DISC1: variants seen among roughly 807,000 people sequenced by gnomAD.
The protein encoded by DISC1 is DISC1 scaffold protein.
Under a neutral mutation model 84.5 loss-of-function variants are expected in DISC1, and 57 were observed. The observed-to-expected ratio is 0.67, with a 90% CI of 0.55 to 0.84. The LOEUF (loss-of-function observed/expected upper bound fraction) is 0.84, where lower values mean the gene tolerates loss of function less well. Ranked by LOEUF, DISC1 falls within the 40% of genes least tolerant of loss-of-function variation. The pLI is 0.00. For missense variants in DISC1, 1,000 were observed against 1,057.8 expected (o/e 0.95, Z 0.76); for synonymous variants, 411 against 415.2 (o/e 0.99, Z 0.12).
chr1:231,770,977 G>A lies in DISC1; in HGVS notation c.1541G>A (p.Gly514Asp), dbSNP rs1321815975. 6.2e-7 allele frequency: 1 copy of A among 1,613,784 alleles called. No homozygotes were observed. Among genetic ancestry groups the A allele is most frequent in the South Asian group, 1.1e-5 (1 of 90,986 alleles). The stretch of plus-strand genomic sequence containing the variant: ...CCACTGGTGGGCCAGCTGTCCCTGG[G>A]TCAGCTGCAGGAGGTCAGCAAGGCC... ...LTPLVGQLSL[G>D]QLQEVSKALQ... Residue 514 changes from glycine (G) to aspartate (D), a missense_variant, in exon 6 of 13, where the codon GGT (glycine) becomes GAT (aspartate). Transcript: ENST00000439617.
chr1:231,873,176 T>C, intron 9 of DISC1, among the ~76,000 whole-genome samples: 1 of 152,236 alleles, frequency 6.6e-6, no homozygotes, highest in South Asian at 2.1e-4. Context: ...AAAGTGGCCA[T>C]GTTAAGGAGA....
chr1:231,743,693 A>C (rs181018934), intron 3 of DISC1, among the ~76,000 whole-genome samples: 1 of 152,378 alleles, frequency 6.6e-6, no homozygotes, highest in Admixed American at 6.5e-5. Context: ...TGTCTGAATT[A>C]GCTTCTGCAG....
At chr1:231,908,758 G>A (rs2088929987) in intron 9 of DISC1, among the ~76,000 whole-genome samples, 1 of 152,138 alleles carries the variant, frequency 6.6e-6, no homozygotes, top group South Asian at 2.1e-4. Flanking sequence ...AATTACCTTG[G>A]GCAGTATGGC....
chr1:231,713,749 G>GAT lies in DISC1; in HGVS notation c.1117+11735_1117+11736dup, dbSNP rs1055850789. On this transcript the variant is annotated intron_variant, in intron 3 of 12. Transcript: ENST00000439617. ...AGGAGATATATACATATATATAGGAGATATATATATAGGAGATATATATAT... is the reference window on the plus strand; with the variant it reads ...AGGAGATATATACATATATATAGGAGATATATATATATAGGAGATATATATAT... Among the ~76,000 whole-genome samples, 687 of 71,304 alleles carry GAT rather than the reference G, an allele frequency of 9.6e-3. 22 individuals carry two copies. The highest frequency in any genetic ancestry group is 0.088 in the Admixed American group (597 of 6,750). The allele number at this position is 71,304 out of a possible 152,430, so 46.8% of individuals were successfully genotyped here. A position where few individuals can be genotyped will look rare whatever the true frequency, so the allele number is the denominator to read the frequency against.
At chr1:231,887,486 G>T (rs199994286) in intron 9 of DISC1, among the ~76,000 whole-genome samples, 1 of 152,206 alleles carries the variant, frequency 6.6e-6, no homozygotes, top group Non-Finnish European at 1.5e-5. Context: ...CTCCATTCAT[G>T]TAAAGAGTTC....
intron 9 of DISC1, among the ~76,000 whole-genome samples, chr1:231,899,690 T>C (rs1291934389): frequency 6.6e-6 from 1 of 152,220 alleles, no homozygotes; most frequent in Non-Finnish European, 1.5e-5. Flanking sequence ...AGATAAAATG[T>C]CCCAATCATC....
At chr1:231,759,440 G>C (rs1436067352) in intron 4 of DISC1, among the ~76,000 whole-genome samples, 2 of 136,656 alleles carry the variant, frequency 1.5e-5, no homozygotes, top group Non-Finnish European at 3.0e-5. Flanking sequence ...TGTAATCCCA[G>C]CTCTTTGGGA....
chr1:231,685,967 G>A (rs538319282), intron 1 of DISC1, among the ~76,000 whole-genome samples: 1 of 152,290 alleles, frequency 6.6e-6, no homozygotes, highest in African/African-American at 2.4e-5. Flanking sequence ...AAAATCCAGT[G>A]GGGCAGTCAA....
intron 9 of DISC1, among the ~76,000 whole-genome samples, chr1:231,958,411 T>C (rs1050086542): frequency 2.6e-5 from 4 of 152,212 alleles, no homozygotes; most frequent in African/African-American, 7.2e-5. Flanking sequence ...CCTCTACCCC[T>C]AGTGTGGCTC....
chr1:231,971,343 G>C (rs1271986895), intron 10 of DISC1, among the ~76,000 whole-genome samples: 1 of 152,338 alleles, frequency 6.6e-6, no homozygotes, highest in African/African-American at 2.4e-5. Context: ...GTATGAACCT[G>C]TTAGCTTCAG....
At chr1:231,645,402 G>A (rs2060037465) in intron 1 of DISC1, among the ~76,000 whole-genome samples, 1 of 152,056 alleles carries the variant, frequency 6.6e-6, no homozygotes, top group Non-Finnish European at 1.5e-5. Flanking sequence ...TCATTGCACT[G>A]CCCTCTCCTC....
intron 1 of DISC1, among the ~76,000 whole-genome samples, chr1:231,655,325 A>G (rs1384695641): frequency 2.6e-5 from 4 of 152,104 alleles, no homozygotes; most frequent in African/African-American, 9.7e-5. Context: ...CTTAGCTCCC[A>G]TTTACCAATG....
At chr1:231,956,765 C>G (rs1047561186) in intron 9 of DISC1, among the ~76,000 whole-genome samples, 2 of 152,204 alleles carry the variant, frequency 1.3e-5, no homozygotes, top group African/African-American at 4.8e-5. Context: ...CTCAGAGGCA[C>G]TAACCACCTG....
chr1:231,776,514 G>T (rs903303178), intron 6 of DISC1, among the ~76,000 whole-genome samples: 1 of 152,194 alleles, frequency 6.6e-6, no homozygotes. Context: ...TCGCGGCAGG[G>T]CTGGGCTGGG....
chr1:231,819,750 A>G (rs567816903), intron 9 of DISC1, among the ~76,000 whole-genome samples: 1 of 149,616 alleles, frequency 6.7e-6, no homozygotes, highest in African/African-American at 2.5e-5. Flanking sequence ...GGTTTCTGCT[A>G]TTGATTTTTT....
chr1:231,864,628 A>G (rs1388236116), intron 9 of DISC1, among the ~76,000 whole-genome samples: 3 of 152,158 alleles, frequency 2.0e-5, no homozygotes, highest in Non-Finnish European at 4.4e-5. Context: ...GCACCACTGC[A>G]CTCCAGCCTG....
rs532283903 is a variant in DISC1, at chr1:231,805,415, G to A, written c.1792+5205G>A. On this transcript the variant is annotated intron_variant, in intron 8 of 12. Coordinates refer to ENST00000439617, the MANE Select transcript of DISC1 (RefSeq NM_018662.3). The stretch of plus-strand genomic sequence containing the variant: ...CAGCATCTGCTTGGCTTCTGGAGAG[G>A]CCTCAGGAAACTTACAATCATGGCG... 3.3e-5 allele frequency among the ~76,000 whole-genome samples: 5 copies of A among 152,134 alleles called. No individual in the cohort carries two copies. In the East Asian group the frequency reaches 9.7e-4, roughly 29 times the overall value.
intron 9 of DISC1, among the ~76,000 whole-genome samples, chr1:231,941,494 G>C (rs1277920889): frequency 1.4e-5 from 2 of 147,616 alleles, no homozygotes; most frequent in Admixed American, 6.8e-5. Flanking sequence ...TTTTTTTTTA[G>C]ATGGAGTCTT....
intron 4 of DISC1, among the ~76,000 whole-genome samples, chr1:231,761,689 T>G (rs922654764): frequency 2.6e-5 from 4 of 152,204 alleles, no homozygotes; most frequent in Non-Finnish European, 5.9e-5. Flanking sequence ...TGGTATCTAT[T>G]TAGGAAATTC....
Sources: allele counts gnomAD v4.1 joint callset (sites outside exome capture counted in the v4.1 genomes callset), GRCh38; gene constraint gnomAD v4.1.1; transcripts MANE v1.5; gene names NCBI Gene and HGNC (gene_info 2026-07-23, HGNC 2026-07-21).